PATZ1: variants seen among roughly 807,000 people sequenced by gnomAD.
PATZ1 encodes the protein POZ-, AT hook-, and zinc finger-containing protein 1.
PATZ1 carries 9 observed loss-of-function variants against 46.2 expected under a neutral mutation model. The ratio of observed to expected loss-of-function variants is 0.19; its 90% CI spans 0.12 to 0.34. The LOEUF is 0.34. Ranked by LOEUF, PATZ1 falls within the 10% of genes least tolerant of loss-of-function variation. PATZ1 has a pLI of 1.00. For missense variants in PATZ1, 632 were observed against 923.0 expected (o/e 0.68, Z 4.08); for synonymous variants, 426 against 378.6 (o/e 1.13, Z -1.45).
Position 31,345,489 on chromosome 22 carries a change from C to A in PATZ1, c.114G>T (p.Gly38=). Reference sequence around the variant, plus strand: ...CCCGCAAGAGCACGTCGCAGAAGCGCCCGCCGTTTTTGCGCTGCTGGTTCA... The same window carrying A: ...CCCGCAAGAGCACGTCGCAGAAGCGACCGCCGTTTTTGCGCTGCTGGTTCA... ...HNLNQQRKNG[G]RFCDVLLRVG... The change falls in exon 1 of 5, where the codon GGG becomes GGT. Residue 38 remains glycine, a synonymous_variant. Transcript: ENST00000266269. This position sits in a 1 kb window ranked among gnomAD's most constrained non-coding sequence, Gnocchi z 7.4. 6.2e-7 allele frequency: 1 copy of A among 1,612,908 alleles called. No homozygotes were observed.
intron 2 of PATZ1, chr22:31,341,266 A>T: frequency 7.1e-7 from 1 of 1,415,910 alleles, no homozygotes. Context: ...CTGACATGGG[A>T]AAGACTCCGA....
At position 31,334,746 on chromosome 22, in the gene PATZ1, G is replaced by A. The variant is rs553265831; in HGVS notation, c.1507+946C>T. ...GCTTAGAGAGGGAATGGGAGAACTC[G>A]AGGCCACCTAGTGAGAGGCTGGGAC... On this transcript the variant is annotated intron_variant, in intron 3 of 4. Transcript: ENST00000266269. 2.6e-5 allele frequency among the ~76,000 whole-genome samples: 4 copies of A among 152,220 alleles called. No homozygotes were observed. The South Asian group carries it at 6.2e-4, about 24-fold the overall frequency.
At chr22:31,331,274 C>T (rs2049438576) in intron 3 of PATZ1, among the ~76,000 whole-genome samples, 1 of 152,048 alleles carries the variant, frequency 6.6e-6, no homozygotes, top group South Asian at 2.1e-4. Context: ...ACATTGGCTC[C>T]CACCAATCAG....
At chr22:31,341,074 G>A (rs2049574554) in intron 2 of PATZ1, 2 of 1,098,834 alleles carry the variant, frequency 1.8e-6, no homozygotes, top group Non-Finnish European at 2.2e-6. Context: ...CAGGGGAAGG[G>A]AAGCAGATAA....
In PATZ1 at chr22:31,344,526, G is replaced by A; in HGVS notation, c.1077C>T (p.Ile359=). Residue 359 remains isoleucine, a synonymous_variant, in exon 1 of 5, where the codon ATC becomes ATT. Transcript: ENST00000266269. ...SRTRKQVACE[I]CGKIFRDVYH... is the part of the protein sequence containing the mutation. Reference sequence around the variant, plus strand: ...ACACATCACGGAAGATCTTGCCGCAGATCTCACAAGCCACCTGCTTCCTGG... The same window carrying A: ...ACACATCACGGAAGATCTTGCCGCAAATCTCACAAGCCACCTGCTTCCTGG... The A allele has an allele frequency of 6.2e-7, 1 of 1,614,236 alleles. No homozygotes were observed. The highest frequency in any genetic ancestry group is 8.5e-7 in the Non-Finnish European group (1 of 1,180,036).
intron 3 of PATZ1, among the ~76,000 whole-genome samples, chr22:31,334,228 C>T (rs2049480751): frequency 6.6e-6 from 1 of 152,220 alleles, no homozygotes; most frequent in Non-Finnish European, 1.5e-5. Flanking sequence ...CAGTCAGCCA[C>T]AGCCTGATAA....
At chr22:31,341,714 C>A in intron 2 of PATZ1, 1 of 1,576,036 alleles carries the variant, frequency 6.3e-7, no homozygotes, top group South Asian at 1.2e-5. Context: ...GCAGGTTACC[C>A]CCCCAGGCCA....
chr22:31,335,088 A>G (rs991550701), intron 3 of PATZ1, among the ~76,000 whole-genome samples: 11 of 152,188 alleles, frequency 7.2e-5, no homozygotes, highest in Non-Finnish European at 1.6e-4. Context: ...CCACTGCCAC[A>G]GAGTTAGACA....
intron 2 of PATZ1, among the ~76,000 whole-genome samples, chr22:31,342,364 G>C (rs1182101173): frequency 6.6e-6 from 1 of 152,180 alleles, no homozygotes; most frequent in East Asian, 1.9e-4. Context: ...ACAGATGCCA[G>C]TGTGGGAGAG....
At position 31,345,617 on chromosome 22, in the gene PATZ1, C is replaced by T. The variant is rs760922745; in HGVS notation, c.-15G>A. On this transcript the variant is annotated 5_prime_UTR_variant, in exon 1 of 5. Transcript: ENST00000266269. The surrounding 1 kb of genome is among the most constrained non-coding windows in gnomAD (Gnocchi z 7.4). ...ACCCGCTCCATGGCCGCCGCCCCCT[C>T]CCACTAGCCCGGCCGCTGCACCTGC... is the stretch of plus-strand genomic sequence containing the variant. The T allele has an allele frequency of 6.3e-7, 1 of 1,575,418 alleles. No homozygotes were observed. The highest frequency in any genetic ancestry group is 1.7e-5 in the Admixed American group (1 of 57,742).
At chr22:31,341,604 G>A in intron 2 of PATZ1, 1 of 1,614,168 alleles carries the variant, frequency 6.2e-7, no homozygotes, top group Non-Finnish European at 8.5e-7. Context: ...CCACAAAGCA[G>A]GCTGGGCAAA....
chr22:31,345,577 C>T lies in PATZ1; in HGVS notation c.26G>A (p.Cys9Tyr), dbSNP rs1243192284. The change falls in exon 1 of 5, where the codon TGC becomes TAC. Residue 9 changes from cysteine to tyrosine, a missense_variant. Coordinates refer to ENST00000266269, the MANE Select transcript of PATZ1 (RefSeq NM_014323.3). The surrounding 1 kb of genome is among the most constrained non-coding windows in gnomAD (Gnocchi z 7.4). Reference protein sequence around the residue: MERVNDASCGPSGCYTYQV... With the variant: MERVNDASYGPSGCYTYQV... ...GTATGTGTAGCAGCCAGACGGGCCG[C>T]ACGAAGCGTCGTTCACCCGCTCCAT... The T allele has an allele frequency of 1.9e-6, 3 of 1,595,842 alleles. No homozygotes were observed. The highest frequency in any genetic ancestry group is 1.3e-5 in the African/African-American group (1 of 74,544).
At chr22:31,335,483 G>A (rs1414633949) in intron 3 of PATZ1, 1 of 542,092 alleles carries the variant, frequency 1.8e-6, no homozygotes, top group African/African-American at 1.9e-5. Flanking sequence ...TGGTCTCCTG[G>A]GACTTCCCAT....
chr22:31,346,270 A>C lies in PATZ1; in HGVS notation c.-668T>G, dbSNP rs2049660413. On this transcript the variant is annotated 5_prime_UTR_variant, in exon 1 of 5. Coordinates refer to ENST00000266269, the MANE Select transcript of PATZ1 (RefSeq NM_014323.3). ...GCGGCGGCAGAGTAGGCCCTTCCTC[A>C]GGCCGGGAGAAGGCGGCGGCGGAGC... The C allele has an allele frequency of 6.5e-6, 1 of 154,698 alleles. No individual in the cohort carries two copies. Among genetic ancestry groups the C allele is most frequent in the Admixed American group, 6.7e-5 (1 of 14,998 alleles). 9.6% of individuals were successfully genotyped at this position (154,698 alleles called of 1,614,324 possible).
intron 2 of PATZ1, chr22:31,341,754 C>T: frequency 2.2e-6 from 3 of 1,375,002 alleles, no homozygotes; most frequent in South Asian, 2.7e-5. Flanking sequence ...CCTCTGGGCT[C>T]CTCCTACTCT....
intron 3 of PATZ1, among the ~76,000 whole-genome samples, chr22:31,334,224 G>A (rs2049480705): frequency 6.6e-6 from 1 of 152,214 alleles, no homozygotes; most frequent in Admixed American, 6.5e-5. Flanking sequence ...AAGACAGTCA[G>A]CCACAGCCTG....
intron 2 of PATZ1, among the ~76,000 whole-genome samples, chr22:31,338,268 C>G (rs775653029): frequency 6.6e-6 from 1 of 152,214 alleles, no homozygotes; most frequent in African/African-American, 2.4e-5. Flanking sequence ...TATGAGACAG[C>G]TGGACTAAGA....
chr22:31,337,445 G>A (rs2080536490), intron 2 of PATZ1, among the ~76,000 whole-genome samples: 1 of 152,178 alleles, frequency 6.6e-6, no homozygotes, highest in African/African-American at 2.4e-5. Context: ...TCCTGTACCT[G>A]AGCACCTGAC....
intron 3 of PATZ1, among the ~76,000 whole-genome samples, chr22:31,333,141 C>A (rs1376780821): frequency 6.6e-6 from 1 of 152,212 alleles, no homozygotes; most frequent in Admixed American, 6.5e-5. Context: ...GTCAGGCTGC[C>A]TTTCCTCTTT....
Sources: allele counts gnomAD v4.1 joint callset (sites outside exome capture counted in the v4.1 genomes callset), GRCh38; gene constraint gnomAD v4.1.1; non-coding constraint Gnocchi (gnomAD v3.1); transcripts MANE v1.5; gene names NCBI Gene and HGNC (gene_info 2026-07-23, HGNC 2026-07-21).